PDZD7: variants seen among roughly 807,000 people sequenced by gnomAD.
PDZD7 encodes PDZ domain containing 7.
Under a neutral mutation model 84.7 loss-of-function variants are expected in PDZD7, and 72 were observed. That is an observed-to-expected ratio of 0.85 (90% CI 0.70 to 1.03). PDZD7 has a LOEUF of 1.03. Ranked by LOEUF, PDZD7 falls within the 50% of genes least tolerant of loss-of-function variation. The pLI is 0.00. For missense variants in PDZD7, 1,490 were observed against 1,412.9 expected (o/e 1.05, Z -0.87); for synonymous variants, 594 against 580.7 (o/e 1.02, Z -0.33).
At chr10:101,020,913 A>G (rs1212656107) in intron 6 of PDZD7, among the ~76,000 whole-genome samples, 1 of 152,134 alleles carries the variant, frequency 6.6e-6, no homozygotes, top group Non-Finnish European at 1.5e-5. Context: ...GGCCTTCCTG[A>G]ATTACTCCAT....
At chr10:101,011,324 AGC>A in intron 14 of PDZD7, 2 of 418,202 alleles carry the variant, frequency 4.8e-6, no homozygotes, top group Non-Finnish European at 3.8e-6. Context: ...TACAGGCGTG[AGC>A]CACCGCGCCC....
chr10:101,017,419 G>A, intron 9 of PDZD7: 3 of 464,156 alleles, frequency 6.5e-6, no homozygotes, highest in Non-Finnish European at 1.1e-5. Context: ...TAGAGACAGG[G>A]TCTTGCTATG....
intron 9 of PDZD7, chr10:101,017,831 G>GAAAAAGAAAGA: frequency 1.0e-5 from 3 of 300,794 alleles, no homozygotes; most frequent in African/African-American, 6.5e-5. Flanking sequence ...AGAAAGGAAG[G>GAAAAAGAAAGA]AAGGAAGGAA....
In PDZD7 at chr10:101,010,403, TC is replaced by T. The variant is rs1378661005; in HGVS notation, c.2485del (p.Glu829ArgfsTer25). On this transcript the variant is annotated frameshift_variant, in exon 15 of 17. Coordinates refer to ENST00000619208, the MANE Select transcript of PDZD7 (RefSeq NM_001195263.2). LOFTEE classifies it high-confidence loss of function. ...TTGCTTGGCCCCCACCTTGGCTGCC[TC>T]CCCATCCAGAGGTCGTGGCAGAGGG... ...RPPLPRPLDG[E>X]AAKVGAKQGP... is the part of the protein sequence containing the mutation. The T allele has an allele frequency of 6.5e-7, 1 of 1,536,058 alleles. No homozygotes were observed. The highest frequency in any genetic ancestry group is 1.2e-5 in the South Asian group (1 of 84,054).
At chr10:101,025,567 A>G (rs1937637726) in intron 2 of PDZD7, among the ~76,000 whole-genome samples, 1 of 111,440 alleles carries the variant, frequency 9.0e-6, no homozygotes, top group African/African-American at 3.9e-5. Context: ...TATTTATCTG[A>G]GACAGAGTCT....
At chr10:101,017,373 AC>A in intron 9 of PDZD7, 1 of 431,470 alleles carries the variant, frequency 2.3e-6, no homozygotes, top group Non-Finnish European at 4.1e-6. Context: ...CTGAGCCAAG[AC>A]GTGCTTTATT....
chr10:101,015,806 C>A lies in PDZD7; in HGVS notation c.1579G>T (p.Glu527Ter). 6.5e-7 allele frequency: 1 copy of A among 1,548,172 alleles called. No individual in the cohort carries two copies. The highest frequency in any genetic ancestry group is 8.7e-7 in the Non-Finnish European group (1 of 1,146,164). Residue 527 changes from glutamate (E) to a stop codon, truncating the protein, a stop_gained, in exon 11 of 17, where the codon GAG becomes TAG. Coordinates refer to ENST00000619208, the MANE Select transcript of PDZD7 (RefSeq NM_001195263.2). LOFTEE classifies it high-confidence loss of function. ...GCAGACAGCAGGGCCCGGCCCCTCT[C>A]CTGGTCTGCAGGGCAGGAACCATCA... ...FVTWRLRRDQ[E>*]RGRALLSARS...
Position 101,011,111 on chromosome 10 carries a change from G to T in PDZD7, c.2006-228C>A, listed in dbSNP as rs555715817. ...GCCCAGGCGTGGTGGCGCGATTTTG[G>T]CTCACTGCAACCTCCACCTCCCAGG... On this transcript the variant is annotated intron_variant, in intron 14 of 16. Transcript: ENST00000619208. 329 of 1,352,446 alleles carry T rather than the reference G, an allele frequency of 2.4e-4. 2 individuals are homozygous for T. The African/African-American group carries it at 4.1e-3, about 17-fold the overall frequency. 83.8% of individuals were successfully genotyped at this position (1,352,446 alleles called of 1,614,324 possible).
In PDZD7 at chr10:101,015,779, TGGCAGACAGCAG is replaced by T; in HGVS notation, c.1594_1605del (p.Leu532_Ala535del). On this transcript the variant is annotated inframe_deletion, in exon 11 of 17. Transcript: ENST00000619208. ...AGCTGGCTGGAGGGACTCCCAGACC[TGGCAGACAGCAG>T]GGCCCGGCCCCTCTCCTGGTCTGCA... 6.5e-7 allele frequency: 1 copy of T among 1,549,542 alleles called. No homozygotes were observed. The highest frequency in any genetic ancestry group is 8.7e-7 in the Non-Finnish European group (1 of 1,146,822).
intron 2 of PDZD7, 48 bp downstream of exon 2, chr10:101,029,946 T>TA: frequency 7.4e-6 from 10 of 1,355,658 alleles, no homozygotes; most frequent in Non-Finnish European, 3.1e-6. Context: ...CATTGTCCCC[T>TA]ACCCCCACCC....
At chr10:101,023,794 C>A (rs1404476169) in intron 3 of PDZD7, 134 bp downstream of exon 3, 12 of 1,504,746 alleles carry the variant, frequency 8.0e-6, no homozygotes, top group Non-Finnish European at 1.0e-5. Context: ...TGAGGGTTGG[C>A]CCTGTCTCCC....
At chr10:101,014,015 ATTTT>A (rs34909819) in intron 11 of PDZD7, among the ~76,000 whole-genome samples, 2 of 140,844 alleles carry the variant, frequency 1.4e-5, no homozygotes, top group South Asian at 2.3e-4. Context: ...ATGCCCAGCT[ATTTT>A]TTTTTTTTTT....
At chr10:101,015,835 G>C in intron 10 of PDZD7, 24 bp from the exon 11 acceptor site, 1 of 1,535,436 alleles carries the variant, frequency 6.5e-7, no homozygotes, top group Non-Finnish European at 8.8e-7. Flanking sequence ...ACCATCAGGG[G>C]AGGGGAGAGG....
intron 8 of PDZD7, among the ~76,000 whole-genome samples, chr10:101,018,546 G>A (rs1242221914): frequency 6.6e-6 from 1 of 152,238 alleles, no homozygotes; most frequent in African/African-American, 2.4e-5. Context: ...GTGTGTTTGA[G>A]CAACTGTGTG....
chr10:101,015,053 C>T (rs966204532), intron 11 of PDZD7, among the ~76,000 whole-genome samples: 4 of 152,190 alleles, frequency 2.6e-5, no homozygotes, highest in East Asian at 3.8e-4. Context: ...CTCTCTCCAC[C>T]CTGGGGCGCT....
At chr10:101,029,432 C>T (rs1428408749) in intron 2 of PDZD7, among the ~76,000 whole-genome samples, 1 of 152,168 alleles carries the variant, frequency 6.6e-6, no homozygotes, top group African/African-American at 2.4e-5. Context: ...CTTAGGTCTC[C>T]CCTTCCCTGA....
At chr10:101,016,057 C>T (rs906428853) in intron 10 of PDZD7, among the ~76,000 whole-genome samples, 1 of 152,180 alleles carries the variant, frequency 6.6e-6, no homozygotes, top group African/African-American at 2.4e-5. Flanking sequence ...CCCCAGGGCC[C>T]CCTGAACATG....
At position 101,018,167 on chromosome 10, in the gene PDZD7, C is replaced by T; in HGVS notation, c.1454G>A (p.Arg485His). The T allele has an allele frequency of 6.2e-7, 1 of 1,614,188 alleles. No homozygotes were observed. Among genetic ancestry groups the T allele is most frequent in the Admixed American group, 1.7e-5 (1 of 60,030 alleles). The change falls in exon 9 of 17, where the codon CGC becomes CAC. Residue 485 changes from arginine (R) to histidine (H), a missense_variant. Transcript: ENST00000619208. Reference sequence around the variant, plus strand: ...GCTGTCCAGTGTCCAGGCCTCTCTGCGCCCGTCCCGCGCTAGCCTCCCCTG... The same window carrying T: ...GCTGTCCAGTGTCCAGGCCTCTCTGTGCCCGTCCCGCGCTAGCCTCCCCTG... Reference protein sequence around the residue: ...GRQGRLARDGRREAWTLDSGS... With the variant: ...GRQGRLARDGHREAWTLDSGS...
rs1192123873 is a variant in PDZD7 at position 101,030,027 on chromosome 10, C to T, written c.193G>A (p.Gly65Arg). The T allele has an allele frequency of 6.2e-7, 1 of 1,613,676 alleles. No homozygotes were observed. Among genetic ancestry groups the T allele is most frequent in the Non-Finnish European group, 8.5e-7 (1 of 1,180,022 alleles). ...PRGIRASSPM[G>R]RVILINSPIE... ...GGGGAGTTGATGAGGATGACGCGTC[C>T]CATGGGCGATGAGGCTCGGATTCCG... Residue 65 changes from glycine to arginine, a missense_variant, in exon 2 of 17, where the codon GGA becomes AGA. Physicochemically the swap from Gly to Arg is moderately radical, Grantham distance 125. Transcript: ENST00000619208.
Sources: allele counts gnomAD v4.1 joint callset (sites outside exome capture counted in the v4.1 genomes callset), GRCh38; gene constraint gnomAD v4.1.1; transcripts MANE v1.5; gene names NCBI Gene and HGNC (gene_info 2026-07-23, HGNC 2026-07-21).